The following AGFG1 variants were observed in gnomAD, a reference collection of about 807,000 sequenced individuals.
The protein encoded by AGFG1 is ArfGAP with FG repeats 1.
Under a neutral mutation model 60.6 loss-of-function variants are expected in AGFG1, and 10 were observed. The observed-to-expected ratio is 0.16, with a 90% CI of 0.10 to 0.28. The LOEUF (loss-of-function observed/expected upper bound fraction) is 0.28, where lower values mean the gene tolerates loss of function less well. Ranked by LOEUF, AGFG1 falls within the 10% of genes least tolerant of loss-of-function variation. The pLI is 1.00. For missense variants in AGFG1, 537 were observed against 676.5 expected, an observed-to-expected ratio of 0.79 and a Z score of 2.29; for synonymous variants, 247 against 242.9, an observed-to-expected ratio of 1.02 and a Z score of -0.16.
chr2:227,507,789 A>G (rs1278622111), intron 2 of AGFG1, among the ~76,000 whole-genome samples: 1 of 151,724 alleles, frequency 6.6e-6, no homozygotes, highest in Non-Finnish European at 1.5e-5. Context: ...TCAATATTGA[A>G]CTCTTCAAAA....
intron 3 of AGFG1, among the ~76,000 whole-genome samples, chr2:227,521,297 C>T (rs1691819537): frequency 6.6e-6 from 1 of 152,090 alleles, no homozygotes; most frequent in South Asian, 2.1e-4. Context: ...GAACTCCTGA[C>T]CTCAGGTGAT....
At chr2:227,523,666 T>C in intron 3 of AGFG1, 97 bp from the exon 4 acceptor site, 1 of 1,225,112 alleles carries the variant, frequency 8.2e-7, no homozygotes, top group Non-Finnish European at 1.1e-6. Context: ...AGATTAATGG[T>C]GAAACAATCT....
At chr2:227,494,080 AC>A (rs1690903241) in intron 2 of AGFG1, among the ~76,000 whole-genome samples, 1 of 152,232 alleles carries the variant, frequency 6.6e-6, no homozygotes, top group Non-Finnish European at 1.5e-5. Flanking sequence ...CTTATAGTAT[AC>A]CAAAGAACAT....
intron 11 of AGFG1, among the ~76,000 whole-genome samples, chr2:227,553,339 T>G (rs946861094): frequency 6.6e-6 from 1 of 151,662 alleles, no homozygotes; most frequent in Admixed American, 6.6e-5. Flanking sequence ...CTACAAAAAA[T>G]ACAAAAATTA....
In AGFG1 at chr2:227,556,047, A is replaced by C. The variant is rs1014529171; in HGVS notation, c.*1552A>C. The C allele has an allele frequency of 6.6e-6, 1 of 152,250 alleles. No homozygotes were observed. Among genetic ancestry groups the C allele is most frequent in the Non-Finnish European group, 1.5e-5 (1 of 68,038 alleles). 9.4% of individuals were successfully genotyped at this position (152,250 alleles called of 1,614,324 possible). A position where few individuals can be genotyped will look rare whatever the true frequency, so the allele number is the denominator to read the frequency against. ...ACCGCTACCCAGCCTAGAGGACATC[A>C]CTATACTACATCATCTGATGATTAT... On this transcript the variant is annotated 3_prime_UTR_variant, in exon 13 of 13. Transcript: ENST00000310078.
intron 10 of AGFG1, among the ~76,000 whole-genome samples, chr2:227,542,859 A>G (rs1489175673): frequency 8.5e-6 from 1 of 118,044 alleles, no homozygotes; most frequent in African/African-American, 3.4e-5. Flanking sequence ...CAGGGATTCA[A>G]CTTCATCCTG....
At chr2:227,505,352 A>C (rs945613166) in intron 2 of AGFG1, among the ~76,000 whole-genome samples, 1 of 151,928 alleles carries the variant, frequency 6.6e-6, no homozygotes, top group East Asian at 1.9e-4. Context: ...GAATCTGTAC[A>C]TTTTTCATTT....
chr2:227,473,917 A>G (rs559772085), intron 1 of AGFG1, among the ~76,000 whole-genome samples: 26 of 152,314 alleles, frequency 1.7e-4, no homozygotes, highest in African/African-American at 6.3e-4. Context: ...CAGTAAATAT[A>G]GCAAAGTCTT....
At chr2:227,521,307 T>A (rs182024177) in intron 3 of AGFG1, among the ~76,000 whole-genome samples, 6 of 152,310 alleles carry the variant, frequency 3.9e-5, no homozygotes, top group Non-Finnish European at 8.8e-5. Context: ...CCTCAGGTGA[T>A]CCACCTGCCT....
At chr2:227,553,832 TTAAATC>T in intron 12 of AGFG1, 37 bp downstream of exon 12, 1 of 1,455,606 alleles carries the variant, frequency 6.9e-7, no homozygotes, top group South Asian at 1.2e-5. Context: ...TTATAAGTTG[TTAAATC>T]TTATTTTAAA....
At chr2:227,530,500 A>G (rs1312153587) in intron 5 of AGFG1, among the ~76,000 whole-genome samples, 1 of 152,112 alleles carries the variant, frequency 6.6e-6, no homozygotes, top group South Asian at 2.1e-4. Flanking sequence ...TTGTTTCTTA[A>G]ATTTTAATGA....
intron 10 of AGFG1, among the ~76,000 whole-genome samples, chr2:227,542,882 G>A (rs1299191972): frequency 2.5e-3 from 1 of 398 alleles, no homozygotes; most frequent in Non-Finnish European, 0.024. Flanking sequence ...TTAGTCTTGA[G>A]AGGGTGTTGT....
At chr2:227,475,781 T>G (rs1177171442) in intron 1 of AGFG1, among the ~76,000 whole-genome samples, 1 of 152,200 alleles carries the variant, frequency 6.6e-6, no homozygotes, top group East Asian at 1.9e-4. Flanking sequence ...GTTAAGAGGA[T>G]TCAATGATAC....
chr2:227,503,427 A>T (rs2106185270), intron 2 of AGFG1, among the ~76,000 whole-genome samples: 1 of 152,244 alleles, frequency 6.6e-6, no homozygotes, highest in Non-Finnish European at 1.5e-5. Context: ...ATTGCGTTAG[A>T]TATTCTGGGT....
At chr2:227,535,900 C>CAT (rs909587804) in intron 8 of AGFG1, among the ~76,000 whole-genome samples, 31 of 152,264 alleles carry the variant, frequency 2.0e-4, no homozygotes, top group African/African-American at 6.5e-4. Flanking sequence ...GAGACCCTTT[C>CAT]ATGGGGTCTG....
At chr2:227,540,779 C>T (rs928478542) in intron 10 of AGFG1, among the ~76,000 whole-genome samples, 14 of 152,222 alleles carry the variant, frequency 9.2e-5, no homozygotes, top group African/African-American at 3.4e-4. Context: ...ACACTGTCTT[C>T]CACAATGGTT....
At chr2:227,551,701 C>G (rs1274066015) in intron 10 of AGFG1, among the ~76,000 whole-genome samples, 2 of 152,028 alleles carry the variant, frequency 1.3e-5, no homozygotes, top group African/African-American at 2.4e-5. Flanking sequence ...GAGAAATTGT[C>G]TTGGGATTTC....
chr2:227,552,145 A>C lies in AGFG1; in HGVS notation c.1537+28A>C, dbSNP rs138082070. The C allele has an allele frequency of 4.5e-4, 725 of 1,613,384 alleles. 5 individuals carry two copies. The African/African-American group carries it at 8.5e-3, about 19-fold the overall frequency. ...AAGATCTAACATTTGGCGAGCTGTA[A>C]GTTCATTTTATGTATCCTTTTTATA... On this transcript the variant is annotated intron_variant, in intron 11 of 12. Transcript: ENST00000310078.
At position 227,533,656 on chromosome 2, in the gene AGFG1, G is replaced by A. The variant is rs768330641; in HGVS notation, c.922G>A (p.Ala308Thr). The stretch of plus-strand genomic sequence containing the variant: ...CAATACTTCCCAGAGTCATCAAACA[G>A]CATCAGCTGTTAGTAAAGTTTCAAC... ...TFNTSQSHQTASAVSKVSTNK... is the reference protein window; with the variant it reads ...TFNTSQSHQTTSAVSKVSTNK... The change falls in exon 7 of 13, where the codon GCA becomes ACA. Residue 308 changes from alanine to threonine, a missense_variant. Around this residue, in one of 4 missense-constraint regions of AGFG1, gnomAD observed 287 missense variants for 343.6 expected, o/e 0.84. Coordinates refer to ENST00000310078, the MANE Select transcript of AGFG1 (RefSeq NM_004504.5). 2.5e-6 allele frequency: 4 copies of A among 1,613,812 alleles called. No homozygotes were observed. In the East Asian group the frequency reaches 6.7e-5, roughly 27 times the overall value.
Sources: allele counts gnomAD v4.1 joint callset (sites outside exome capture counted in the v4.1 genomes callset), GRCh38; gene constraint gnomAD v4.1.1; regional missense constraint gnomAD v4.1.1; transcripts MANE v1.5; gene names NCBI Gene and HGNC (gene_info 2026-07-23, HGNC 2026-07-21).